Variants in MAP2K6 observed in about 807,000 individuals in gnomAD.
MAP2K6 encodes dual specificity mitogen-activated protein kinase kinase 6.
A neutral mutation model predicts 53.7 loss-of-function variants in MAP2K6; 16 were observed. That is an observed-to-expected ratio of 0.30 (90% CI 0.20 to 0.45). MAP2K6 has a LOEUF of 0.45. Among genes scored for constraint, MAP2K6 ranks in the 20% least tolerant of loss-of-function variants. The pLI is 1.00. For missense variants in MAP2K6, 204 were observed against 411.9 expected (o/e 0.50, Z 4.37); for synonymous variants, 132 against 143.1 (o/e 0.92, Z 0.55).
chr17:69,455,175 T>C (rs1315530193), intron 1 of MAP2K6, among the ~76,000 whole-genome samples: 1 of 152,118 alleles, frequency 6.6e-6, no homozygotes, highest in African/African-American at 2.4e-5. Flanking sequence ...CTTCATTTAG[T>C]GAGGGATAAT....
chr17:69,533,579 G>A (rs779080369), intron 10 of MAP2K6, among the ~76,000 whole-genome samples: 1 of 152,126 alleles, frequency 6.6e-6, no homozygotes, highest in Non-Finnish European at 1.5e-5. Flanking sequence ...GAGACAGCCA[G>A]AATCAACCAT....
intron 1 of MAP2K6, among the ~76,000 whole-genome samples, chr17:69,496,559 G>A (rs1413874820): frequency 6.6e-6 from 1 of 152,050 alleles, no homozygotes; most frequent in Admixed American, 6.6e-5. Flanking sequence ...AGTAGAGATG[G>A]GGTTTCACCA....
At chr17:69,465,997 G>A (rs1396826380) in intron 1 of MAP2K6, among the ~76,000 whole-genome samples, 2 of 150,640 alleles carry the variant, frequency 1.3e-5, no homozygotes, top group African/African-American at 4.9e-5. Flanking sequence ...CTTTGGCTGG[G>A]TGTGGTGGCT....
intron 11 of MAP2K6, among the ~76,000 whole-genome samples, 167 bp downstream of exon 11, chr17:69,536,327 T>A (rs977442876): frequency 1.3e-5 from 2 of 152,228 alleles, no homozygotes; most frequent in Admixed American, 1.3e-4. Context: ...TCATCCTACA[T>A]CCTTCTTAAA....
chr17:69,497,470 G>A (rs754785343), intron 1 of MAP2K6, among the ~76,000 whole-genome samples: 2 of 151,980 alleles, frequency 1.3e-5, no homozygotes, highest in Non-Finnish European at 2.9e-5. Flanking sequence ...GAGTGTGTGT[G>A]TAGCACAGTT....
chr17:69,473,390 A>G (rs930820723), intron 1 of MAP2K6, among the ~76,000 whole-genome samples: 2 of 152,240 alleles, frequency 1.3e-5, no homozygotes, highest in Non-Finnish European at 2.9e-5. Flanking sequence ...AGAAAATTCT[A>G]TATCTATGCA....
In MAP2K6 at chr17:69,548,001, T is replaced by G. The variant is rs930785069; in HGVS notation, c.*6248T>G. On this transcript the variant is annotated 3_prime_UTR_variant, in exon 12 of 12. Coordinates refer to ENST00000590474, the MANE Select transcript of MAP2K6 (RefSeq NM_002758.4). ...AAACGTAGAAGAAGGCAGATAGAGT[T>G]CTTAACCTTTTTCAACTTAGCCACC... The G allele has an allele frequency of 3.9e-5, 6 of 152,152 alleles. No individual in the cohort carries two copies. Among genetic ancestry groups the G allele is most frequent in the African/African-American group, 1.2e-4 (5 of 41,430 alleles). 9.4% of individuals were successfully genotyped at this position (152,152 alleles called of 1,614,324 possible).
chr17:69,502,832 T>G (rs1909239955), intron 1 of MAP2K6: 3 of 440,388 alleles, frequency 6.8e-6, no homozygotes, highest in Non-Finnish European at 9.0e-6. Flanking sequence ...CTAAAAACTT[T>G]CTCTCTTTTT....
intron 1 of MAP2K6, among the ~76,000 whole-genome samples, chr17:69,498,009 T>C (rs1013573871): frequency 5.6e-5 from 3 of 53,768 alleles, no homozygotes; most frequent in African/African-American, 1.6e-4. Context: ...AATGCTTGTA[T>C]TGCACATCAC....
chr17:69,428,759 G>A (rs925600113), intron 1 of MAP2K6, among the ~76,000 whole-genome samples: 1 of 151,970 alleles, frequency 6.6e-6, no homozygotes, highest in Non-Finnish European at 1.5e-5. Context: ...TGGTATAGCA[G>A]AACTTGCAGT....
At chr17:69,509,189 A>C (rs926136880) in intron 2 of MAP2K6, among the ~76,000 whole-genome samples, 2 of 152,246 alleles carry the variant, frequency 1.3e-5, no homozygotes, top group Admixed American at 6.5e-5. Flanking sequence ...GCTATAGATC[A>C]ATTTAGGGCA....
chr17:69,485,341 G>A (rs1420188050), intron 1 of MAP2K6: 2 of 246,380 alleles, frequency 8.1e-6, no homozygotes, highest in African/African-American at 4.6e-5. Context: ...ACTTTGGAAC[G>A]GAGGAGGCCT....
intron 10 of MAP2K6, among the ~76,000 whole-genome samples, chr17:69,528,001 C>T (rs186842142): frequency 4.7e-5 from 7 of 150,424 alleles, no homozygotes; most frequent in East Asian, 2.0e-4. Flanking sequence ...GCTGTAATCT[C>T]GGGAGGCTGA....
intron 1 of MAP2K6, among the ~76,000 whole-genome samples, chr17:69,474,221 A>C (rs899770129): frequency 3.9e-5 from 6 of 152,208 alleles, no homozygotes; most frequent in Non-Finnish European, 5.9e-5. Flanking sequence ...ATACTAACAC[A>C]ATGTTGGGCA....
chr17:69,435,711 G>A (rs558434203), intron 1 of MAP2K6, among the ~76,000 whole-genome samples: 5 of 151,778 alleles, frequency 3.3e-5, no homozygotes, highest in South Asian at 4.2e-4. Flanking sequence ...TTGCTCTGTC[G>A]CCCAGGCTGG....
intron 1 of MAP2K6, among the ~76,000 whole-genome samples, chr17:69,419,671 T>C (rs1212207389): frequency 1.3e-5 from 2 of 152,178 alleles, no homozygotes. Flanking sequence ...GGCTCATGCC[T>C]GTAACCCCAC....
chr17:69,541,661 C>A lies in MAP2K6; in HGVS notation c.928-15C>A, dbSNP rs28754769. 1.3e-6 allele frequency: 2 copies of A among 1,599,728 alleles called. No homozygotes were observed. The highest frequency in any genetic ancestry group is 1.7e-6 in the Non-Finnish European group (2 of 1,169,640). On this transcript the variant is annotated splice_polypyrimidine_tract_variant and intron_variant, in intron 11 of 11. Transcript: ENST00000590474. ...GTAAGACATTAATACCATGTTTTTT[C>A]TTTTTCTTTTCCAGCAACATCCATT...
intron 1 of MAP2K6, among the ~76,000 whole-genome samples, chr17:69,460,349 C>T (rs898200024): frequency 4.6e-5 from 7 of 152,066 alleles, no homozygotes; most frequent in Non-Finnish European, 7.4e-5. Context: ...ATTAGGAAGA[C>T]GGAGGTATTT....
At chr17:69,536,804 A>T (rs1911383495) in intron 11 of MAP2K6, among the ~76,000 whole-genome samples, 1 of 152,208 alleles carries the variant, frequency 6.6e-6, no homozygotes, top group Non-Finnish European at 1.5e-5. Context: ...TAGGCCGGGC[A>T]TGGTGGCTGT....
Sources: gnomAD v4.1 joint callset for allele counts (sites outside exome capture counted in the v4.1 genomes callset) on GRCh38, gnomAD v4.1.1 for gene constraint, MANE v1.5 for transcripts, NCBI Gene and HGNC (gene_info 2026-07-23, HGNC 2026-07-21) for gene names.